CPA6: variants seen among roughly 807,000 people sequenced by gnomAD.
CPA6 encodes the protein carboxypeptidase B.
CPA6 carries 58 observed loss-of-function variants against 63.3 expected under a neutral mutation model. That is an observed-to-expected ratio of 0.92 (90% CI 0.74 to 1.14). CPA6 has a LOEUF of 1.14. CPA6 is among the 50% of genes most tolerant of loss of function. The probability of loss-of-function intolerance (pLI) is 0.00; values close to 1 mark genes in which losing one functional copy is unlikely to be tolerated. For synonymous variants in CPA6, 185 were observed against 179.0 expected (o/e 1.03, Z -0.27); for missense variants, 565 against 526.6 (o/e 1.07, Z -0.71).
chr8:67,483,048 T>C lies in CPA6; in HGVS notation c.838+720A>G, dbSNP rs146727776. 3.0e-3 allele frequency among the ~76,000 whole-genome samples: 460 copies of C among 152,262 alleles called. 4 individuals carry two copies. Among genetic ancestry groups the C allele is most frequent in the African/African-American group, 0.01 (433 of 41,560 alleles). ...TAAGGGACTAAAGGAAGGATTTCCA[T>C]TACACAAGGGTCTATATTTTGAGGG... On this transcript the variant is annotated intron_variant, in intron 8 of 10. Transcript: ENST00000297770.
chr8:67,507,873 T>C (rs1405966099), intron 5 of CPA6, among the ~76,000 whole-genome samples: 2 of 152,132 alleles, frequency 1.3e-5, no homozygotes, highest in African/African-American at 4.8e-5. Flanking sequence ...GAAGAGAATC[T>C]GAGCGCACCA....
chr8:67,455,312 C>T (rs577057854), intron 8 of CPA6, among the ~76,000 whole-genome samples: 76 of 152,100 alleles, frequency 5.0e-4, no homozygotes, highest in African/African-American at 1.7e-3. Flanking sequence ...GAACCAAATC[C>T]GTGGTTCTCA....
At chr8:67,687,247 C>CCT (rs1156774117) in intron 1 of CPA6, among the ~76,000 whole-genome samples, 1 of 152,236 alleles carries the variant, frequency 6.6e-6, no homozygotes, top group Admixed American at 6.5e-5. Flanking sequence ...CAGGGAAGGG[C>CCT]CTCAGTCCTG....
In CPA6 at chr8:67,662,534, TATAG is replaced by T. The variant is rs1371743332; in HGVS notation, c.117-38287_117-38284del. Among the ~76,000 whole-genome samples the T allele has an allele frequency of 1.0e-4, 14 of 138,796 alleles. 1 individual carries two copies. Among genetic ancestry groups the T allele is most frequent in the South Asian group, 4.5e-4 (2 of 4,454 alleles). The allele number at this position is 138,796 out of a possible 152,430, so 91.1% of individuals were successfully genotyped here. ...TAATACATACACACGTATATGTATA[TATAG>T]AATACATACACACGTATATGTATAT... On this transcript the variant is annotated intron_variant, in intron 1 of 10. Transcript: ENST00000297770.
At chr8:67,599,738 G>A (rs984376191) in intron 2 of CPA6, among the ~76,000 whole-genome samples, 1 of 152,150 alleles carries the variant, frequency 6.6e-6, no homozygotes, top group Non-Finnish European at 1.5e-5. Context: ...AGCAATAGAT[G>A]CCATCACCAT....
At chr8:67,650,382 C>G (rs1815809029) in intron 1 of CPA6, among the ~76,000 whole-genome samples, 2 of 152,112 alleles carry the variant, frequency 1.3e-5, no homozygotes, top group Admixed American at 1.3e-4. Flanking sequence ...CTGCAGTTCT[C>G]TTAGCTCTAT....
At chr8:67,710,985 G>A (rs759798523) in intron 1 of CPA6, among the ~76,000 whole-genome samples, 10 of 152,052 alleles carry the variant, frequency 6.6e-5, no homozygotes, top group Non-Finnish European at 1.2e-4. Context: ...TATACTTTTC[G>A]TAGCCCAGAC....
rs78689792 is a variant in CPA6 at position 67,576,178 on chromosome 8, T to C, written c.192+47998A>G. Among the ~76,000 whole-genome samples, 1,060 of 152,290 alleles carry C rather than the reference T, an allele frequency of 7.0e-3. 5 individuals are homozygous for C. Among genetic ancestry groups the C allele is most frequent in the Non-Finnish European group, 0.01 (692 of 68,024 alleles). On this transcript the variant is annotated intron_variant, in intron 2 of 10. Transcript: ENST00000297770. ...TTTTAACATCACTTAAGACAATAAA[T>C]GTCAAATGTTCTCATCACAAACATT...
intron 2 of CPA6, among the ~76,000 whole-genome samples, chr8:67,535,981 G>T (rs568178008): frequency 6.6e-6 from 1 of 152,256 alleles, no homozygotes; most frequent in Non-Finnish European, 1.5e-5. Flanking sequence ...CCCATTGCTT[G>T]TTTTTGTCAG....
At chr8:67,727,373 T>C (rs978504705) in intron 1 of CPA6, among the ~76,000 whole-genome samples, 1 of 152,192 alleles carries the variant, frequency 6.6e-6, no homozygotes, top group Non-Finnish European at 1.5e-5. Flanking sequence ...TAAAGGAAAT[T>C]GGAAGACCTT....
chr8:67,558,730 G>T lies in CPA6; in HGVS notation c.193-40683C>A, dbSNP rs571939511. On this transcript the variant is annotated intron_variant, in intron 2 of 10. Transcript: ENST00000297770. ...CAAGAGTCTGTCAGACTGAAGAAAG[G>T]CTGCTGCAAACCATTCACTGATGTG... Among the ~76,000 whole-genome samples the T allele has an allele frequency of 4.6e-5, 7 of 152,290 alleles. No homozygotes were observed. The South Asian group carries it at 1.4e-3, about 32-fold the overall frequency.
chr8:67,711,836 T>C (rs1250703435), intron 1 of CPA6, among the ~76,000 whole-genome samples: 1 of 151,976 alleles, frequency 6.6e-6, no homozygotes, highest in Admixed American at 6.6e-5. Context: ...TGGAAGGCAG[T>C]AGTTGAAAGA....
intron 6 of CPA6, among the ~76,000 whole-genome samples, chr8:67,489,456 C>G (rs1232139092): frequency 6.6e-6 from 1 of 151,858 alleles, no homozygotes; most frequent in Middle Eastern, 3.2e-3. Context: ...ACTGAATTTC[C>G]TTGATTTAAA....
At chr8:67,580,294 C>T (rs1050105875) in intron 2 of CPA6, among the ~76,000 whole-genome samples, 2 of 152,154 alleles carry the variant, frequency 1.3e-5, no homozygotes, top group Non-Finnish European at 2.9e-5. Flanking sequence ...GGAAGTGGTA[C>T]GAGAGGGTGG....
At chr8:67,530,899 C>T (rs1207808045) in intron 2 of CPA6, among the ~76,000 whole-genome samples, 1 of 152,174 alleles carries the variant, frequency 6.6e-6, no homozygotes, top group Admixed American at 6.5e-5. Flanking sequence ...GATACACCCT[C>T]AAGCCAGGGT....
chr8:67,647,470 C>T (rs573928821), intron 1 of CPA6, among the ~76,000 whole-genome samples: 1 of 152,100 alleles, frequency 6.6e-6, no homozygotes, highest in African/African-American at 2.4e-5. Context: ...AACACCATGC[C>T]TGGATTTGAC....
chr8:67,735,102 G>T (rs1817787730), intron 1 of CPA6: 1 of 152,166 alleles, frequency 6.6e-6, no homozygotes, highest in Non-Finnish European at 1.5e-5. Context: ...AAAGGTAGAA[G>T]AAAGCAGGAA....
chr8:67,687,593 A>T (rs1309270282), intron 1 of CPA6, among the ~76,000 whole-genome samples: 1 of 152,122 alleles, frequency 6.6e-6, no homozygotes, highest in Non-Finnish European at 1.5e-5. Flanking sequence ...GAAACATGGA[A>T]TATACTTAGT....
intron 2 of CPA6, among the ~76,000 whole-genome samples, chr8:67,530,443 G>A (rs750933971): frequency 1.6e-4 from 24 of 152,196 alleles, no homozygotes; most frequent in Admixed American, 7.2e-4. Flanking sequence ...GAGGAGTAAC[G>A]ACAAACTAGT....
Sources: allele counts gnomAD v4.1 joint callset (sites outside exome capture counted in the v4.1 genomes callset), GRCh38; gene constraint gnomAD v4.1.1; transcripts MANE v1.5; gene names NCBI Gene and HGNC (gene_info 2026-07-23, HGNC 2026-07-21).